PPP1R11: variants seen among roughly 807,000 people sequenced by gnomAD.
The protein encoded by PPP1R11 is E3 ubiquitin-protein ligase PPP1R11.
In PPP1R11, 10 loss-of-function variants were observed where a neutral mutation model predicts 11.3. The observed-to-expected ratio is 0.88, with a 90% CI of 0.55 to 1.50. The LOEUF is 1.50. Ranked by LOEUF, PPP1R11 falls within the 40% of genes most tolerant of loss-of-function variation. PPP1R11 has a pLI of 0.00. For synonymous variants in PPP1R11, 56 were observed against 62.3 expected (o/e 0.90, Z 0.48); for missense variants, 114 against 179.1 (o/e 0.64, Z 2.07).
At position 30,067,241 on chromosome 6, in the gene PPP1R11, T is replaced by C. The variant is rs1244395353; in HGVS notation, c.-170T>C. 7.7e-6 allele frequency: 5 copies of C among 649,790 alleles called. No homozygotes were observed. The highest frequency in any genetic ancestry group is 1.3e-5 in the Non-Finnish European group (5 of 381,474). The allele number at this position is 649,790 out of a possible 1,614,324, so 40.3% of individuals were successfully genotyped here. On this transcript the variant is annotated 5_prime_UTR_variant, in exon 1 of 3. Coordinates refer to ENST00000376772, the MANE Select transcript of PPP1R11 (RefSeq NM_021959.3). ...GAGCCGGAAGTGGGGTTAGCCAGGT[T>C]ATCCCCAGGGGTGGAGAAGCGGAGG...
chr6:30,067,293 T>G lies in PPP1R11; in HGVS notation c.-118T>G. ...CCAGGAGGAGGGGGAATAAAGAAGG[T>G]GGAGGATCCTGGCTACCACTCTGAA... On this transcript the variant is annotated 5_prime_UTR_variant, in exon 1 of 3. Transcript: ENST00000376772. 2.9e-6 allele frequency: 3 copies of G among 1,049,118 alleles called. No individual in the cohort carries two copies. Among genetic ancestry groups the G allele is most frequent in the East Asian group, 2.6e-5 (1 of 38,528 alleles). 65.0% of individuals were successfully genotyped at this position (1,049,118 alleles called of 1,614,324 possible).
intron 1 of PPP1R11, among the ~76,000 whole-genome samples, chr6:30,067,848 A>G (rs949435213): frequency 1.3e-5 from 2 of 152,288 alleles, no homozygotes; most frequent in Admixed American, 6.5e-5. Context: ...AATATTATCA[A>G]TATTGATATT....
rs1284664401 is a variant in PPP1R11 at position 30,068,617 on chromosome 6, C to T, written c.97C>T (p.Arg33Trp). The T allele has an allele frequency of 7.4e-6, 12 of 1,612,720 alleles. No homozygotes were observed. Among genetic ancestry groups the T allele is most frequent in the African/African-American group, 1.3e-5 (1 of 74,884 alleles). The change falls in exon 2 of 3, where the codon CGG becomes TGG. Residue 33 changes from arginine (R) to tryptophan (W), a missense_variant. Transcript: ENST00000376772. ...PENRSLTIKLRKRKPEKKVEW... is the reference protein window; with the variant it reads ...PENRSLTIKLWKRKPEKKVEW... The stretch of plus-strand genomic sequence containing the variant: ...GAACCGGAGCCTTACCATCAAACTT[C>T]GGAAACGGAAGCCAGAGAAAAAGGT...
Position 30,067,306 on chromosome 6 carries a change from C to G in PPP1R11, c.-105C>G. On this transcript the variant is annotated 5_prime_UTR_variant, in exon 1 of 3. Transcript: ENST00000376772. ...GAATAAAGAAGGTGGAGGATCCTGG[C>G]TACCACTCTGAATCCGATACCGCTT... The G allele has an allele frequency of 8.3e-7, 1 of 1,204,376 alleles. No individual in the cohort carries two copies. Among genetic ancestry groups the G allele is most frequent in the South Asian group, 1.3e-5 (1 of 74,836 alleles). 74.6% of individuals were successfully genotyped at this position (1,204,376 alleles called of 1,614,324 possible). A position where few individuals can be genotyped will look rare whatever the true frequency, so the allele number is the denominator to read the frequency against.
chr6:30,061,346 C>A, the PPP1R11 span: 1 of 651,846 alleles, frequency 1.5e-6, no homozygotes, highest in Non-Finnish European at 2.6e-6. The surrounding 1 kb of genome is among the most constrained non-coding windows in gnomAD (Gnocchi z 5.0). Context: ...TAGTACCCGA[C>A]GCTGTCTGGG....
chr6:30,062,508 A>G (rs2127292377), upstream of PPP1R11, among the ~76,000 whole-genome samples: 1 of 146,396 alleles, frequency 6.8e-6, no homozygotes, highest in African/African-American at 2.5e-5. Context: ...CACTTTTTTA[A>G]ACCTTTTTAT....
At chr6:30,068,439 C>T (rs1765687765) in intron 1 of PPP1R11, 151 bp from the exon 2 acceptor site, 5 of 571,626 alleles carry the variant, frequency 8.7e-6, no homozygotes, top group South Asian at 2.6e-5. Context: ...AGGTAAAAGA[C>T]CTGTTCTGTT....
At chr6:30,068,553 G>A (rs761378466) in intron 1 of PPP1R11, 37 bp from the exon 2 acceptor site, 122 of 1,554,554 alleles carry the variant, frequency 7.8e-5, no homozygotes, top group Non-Finnish European at 9.5e-5. Context: ...GTTAGTAAGA[G>A]GGGACTAGAT....
At chr6:30,062,728 T>C (rs369319005), upstream of PPP1R11, among the ~76,000 whole-genome samples, 320 of 116,684 alleles carry the variant, frequency 2.7e-3, 11 homozygotes, top group Middle Eastern at 0.012. Context: ...TTTTTTTTTT[T>C]TTTTTTTTTT....
chr6:30,061,988 G>A, upstream of PPP1R11: 1 of 1,613,140 alleles, frequency 6.2e-7, no homozygotes, highest in Non-Finnish European at 8.5e-7. The surrounding 1 kb of genome is among the most constrained non-coding windows in gnomAD (Gnocchi z 5.0). Context: ...TATGTCGGTG[G>A]AGGAAGGGCC....
chr6:30,067,590 G>GT, intron 1 of PPP1R11, 111 bp downstream of exon 1: 1 of 1,345,794 alleles, frequency 7.4e-7, no homozygotes, highest in Non-Finnish European at 1.1e-6. Context: ...TATGGGAGGT[G>GT]TGGGGTTGAA....
Position 30,069,172 on chromosome 6 carries a change from G to A in PPP1R11, c.247G>A (p.Glu83Lys), listed in dbSNP as rs762989230. Residue 83 changes from glutamate (E) to lysine (K), a missense_variant, in exon 3 of 3, where the codon GAG becomes AAG. Coordinates refer to ENST00000376772, the MANE Select transcript of PPP1R11 (RefSeq NM_021959.3). This position sits in a 1 kb window ranked among gnomAD's most constrained non-coding sequence, Gnocchi z 6.6. Reference sequence around the variant, plus strand: ...CACGGAAAGTGATGAGGAGGAAGAAGAGGGCTGTGGTCATACACACTGTGT... The same window carrying A: ...CACGGAAAGTGATGAGGAGGAAGAAAAGGGCTGTGGTCATACACACTGTGT... ...SSTESDEEEE[E>K]GCGHTHCVRG... 3 of 1,612,666 alleles carry A rather than the reference G, an allele frequency of 1.9e-6. No homozygotes were observed. Among genetic ancestry groups the A allele is most frequent in the East Asian group, 2.2e-5 (1 of 44,904 alleles).
upstream of PPP1R11, chr6:30,061,811 G>A (rs1277582185): frequency 1.9e-5 from 30 of 1,550,838 alleles, no homozygotes; most frequent in African/African-American, 1.4e-5. This position sits in a 1 kb window ranked among gnomAD's most constrained non-coding sequence, Gnocchi z 5.0. Flanking sequence ...AAAACTGAGG[G>A]AAAGGATGTA....
chr6:30,061,328 A>G, the PPP1R11 span: 2 of 572,116 alleles, frequency 3.5e-6, no homozygotes, highest in Non-Finnish European at 6.0e-6. This position sits in a 1 kb window ranked among gnomAD's most constrained non-coding sequence, Gnocchi z 5.0. Flanking sequence ...AAAGGGTTCC[A>G]AGTCCTTTAG....
At chr6:30,068,434 A>G (rs1450563967) in intron 1 of PPP1R11, 156 bp from the exon 2 acceptor site, 4 of 558,638 alleles carry the variant, frequency 7.2e-6, no homozygotes, top group Admixed American at 6.4e-5. Flanking sequence ...ATCTGAGGTA[A>G]AAGACCTGTT....
chr6:30,068,377 T>C (rs938065600), intron 1 of PPP1R11: 82 of 439,766 alleles, frequency 1.9e-4, no homozygotes, highest in African/African-American at 6.0e-5. Context: ...TCTTCTCTTA[T>C]ACTGGTGGTA....
chr6:30,068,594 A>G lies in PPP1R11; in HGVS notation c.74A>G (p.Asn25Ser). 6.2e-7 allele frequency: 1 copy of G among 1,612,016 alleles called. No homozygotes were observed. The highest frequency in any genetic ancestry group is 1.3e-5 in the African/African-American group (1 of 74,994). Residue 25 changes from asparagine to serine, a missense_variant, in exon 2 of 3, where the codon AAC (asparagine) becomes AGC (serine). By Grantham distance (46) the Asn-to-Ser change is conservative. Coordinates refer to ENST00000376772, the MANE Select transcript of PPP1R11 (RefSeq NM_021959.3). ...TTVTVTTEPE[N>S]RSLTIKLRKR... ...TGCTCATCCTTAACCTTCTAGGAGA[A>G]CCGGAGCCTTACCATCAAACTTCGG... is the stretch of plus-strand genomic sequence containing the variant.
the PPP1R11 span, chr6:30,061,557 C>T: frequency 1.9e-6 from 3 of 1,612,992 alleles, no homozygotes; most frequent in Non-Finnish European, 2.5e-6. This position sits in a 1 kb window ranked among gnomAD's most constrained non-coding sequence, Gnocchi z 5.0. Flanking sequence ...ATACTTGCTC[C>T]AGCTTTCAGT....
At chr6:30,064,963 C>A, upstream of PPP1R11, 1 of 362,480 alleles carries the variant, frequency 2.8e-6, no homozygotes. Context: ...AATGAGTTTC[C>A]AGAGATATAT....
Sources: allele counts gnomAD v4.1 joint callset (sites outside exome capture counted in the v4.1 genomes callset), GRCh38; gene constraint gnomAD v4.1.1; non-coding constraint Gnocchi (gnomAD v3.1); transcripts MANE v1.5; gene names NCBI Gene and HGNC (gene_info 2026-07-23, HGNC 2026-07-21).